PATE2: variants seen among roughly 807,000 people sequenced by gnomAD.
The protein encoded by PATE2 is prostate and testis expressed 2, also known as prostate and testis expressed protein 2.
In PATE2, 7 loss-of-function variants were observed where a neutral mutation model predicts 10.5. The observed-to-expected ratio is 0.66, with a 90% confidence interval of 0.38 to 1.25. The LOEUF (loss-of-function observed/expected upper bound fraction) is 1.25, where lower values mean the gene tolerates loss of function less well. Ranked by LOEUF, PATE2 falls within the 50% of genes most tolerant of loss-of-function variation. The pLI is 0.02. For synonymous variants in PATE2, 44 were observed against 46.9 expected (o/e 0.94, Z 0.25); for missense variants, 133 against 135.4 (o/e 0.98, Z 0.09).
At chr11:125,778,510 A>G (rs144271733) in intron 2 of PATE2, 42 bp downstream of exon 2, 3 of 1,599,724 alleles carry the variant, frequency 1.9e-6, no homozygotes, top group East Asian at 2.2e-5. Context: ...CATGTCACAA[A>G]TTGCCTGTTT....
At chr11:125,778,445 T>A in intron 2 of PATE2, 107 bp downstream of exon 2, 2 of 1,241,088 alleles carry the variant, frequency 1.6e-6, no homozygotes, top group Non-Finnish European at 2.3e-6. Flanking sequence ...TAGGATTCTA[T>A]AATAAGAATG....
rs1180227425 is a variant in PATE2, at chr11:125,778,739, A to G, written c.35T>C (p.Leu12Pro). 1.9e-6 allele frequency: 3 copies of G among 1,613,508 alleles called. No homozygotes were observed. Among genetic ancestry groups the G allele is most frequent in the Non-Finnish European group, 2.5e-6 (3 of 1,179,714 alleles). Residue 12 changes from leucine (L) to proline (P), a missense_variant, in exon 1 of 4, where the codon CTG becomes CCG. Transcript: ENST00000358524. ...GGACTTACCCCAATATGGGCAGAGC[A>G]GAAAGACTGTGCCCAGGAGAAAGAG... ...LVLFLLGTVFLLCPYWGELHD... is the reference protein window; with the variant it reads ...LVLFLLGTVFPLCPYWGELHD...
rs1943503110 is a variant in PATE2 at position 125,777,978 on chromosome 11, C to T, written c.101G>A (p.Cys34Tyr). ...GCATAACCCAAGATGATATTTTTTA[C>T]ATTCATAACACATTATTTCAGTCGC... Reference protein sequence around the residue: ...IKATEIMCYECKKYHLGLCYG... With the variant: ...IKATEIMCYEYKKYHLGLCYG... The change falls in exon 3 of 4, where the codon TGT becomes TAT. Residue 34 changes from cysteine (C) to tyrosine (Y), a missense_variant. Physicochemically the swap from Cys to Tyr is radical, Grantham distance 194. Coordinates refer to ENST00000358524, the MANE Select transcript of PATE2 (RefSeq NM_212555.3). 1 of 1,613,000 alleles carries T rather than the reference C, an allele frequency of 6.2e-7. No homozygotes were observed. The highest frequency in any genetic ancestry group is 1.3e-5 in the African/African-American group (1 of 74,832).
chr11:125,776,282 A>G lies in PATE2; in HGVS notation c.*1100T>C, dbSNP rs904803195. 1 of 152,294 alleles carries G rather than the reference A, an allele frequency of 6.6e-6. No individual in the cohort carries two copies. The highest frequency in any genetic ancestry group is 1.5e-5 in the Non-Finnish European group (1 of 68,048). 9.4% of individuals were successfully genotyped at this position (152,294 alleles called of 1,614,324 possible). On this transcript the variant is annotated 3_prime_UTR_variant, in exon 4 of 4. Coordinates refer to ENST00000358524, the MANE Select transcript of PATE2 (RefSeq NM_212555.3). ...TGTGCCATGGTGGTTTGCTGCACCC[A>G]TCAACCCGTCATCTAGGGTGCAGTC...
chr11:125,777,030 C>CATTA lies in PATE2; in HGVS notation c.*351_*352insTAAT. ...TGTGTAGATGAGGATAGAGGATAGT[C>CATTA]ACAGAATTCTCAGTACAAATTGGAG... On this transcript the variant is annotated 3_prime_UTR_variant, in exon 4 of 4. Coordinates refer to ENST00000358524, the MANE Select transcript of PATE2 (RefSeq NM_212555.3). 5.6e-6 allele frequency: 1 copy of CATTA among 178,164 alleles called. No homozygotes were observed. Among genetic ancestry groups the CATTA allele is most frequent in the Non-Finnish European group, 1.2e-5 (1 of 84,390 alleles). 11.0% of individuals were successfully genotyped at this position (178,164 alleles called of 1,614,324 possible). A position where few individuals can be genotyped will look rare whatever the true frequency, so the allele number is the denominator to read the frequency against.
chr11:125,777,816 C>A, intron 3 of PATE2, 58 bp downstream of exon 3: 1 of 1,590,760 alleles, frequency 6.3e-7, no homozygotes. Context: ...CAAAAGAACA[C>A]TACTGTTTCT....
Position 125,777,036 on chromosome 11 carries a change from ATTCTC to A in PATE2, c.*341_*345del. The stretch of plus-strand genomic sequence containing the variant: ...GATGAGGATAGAGGATAGTCACAGA[ATTCTC>A]AGTACAAATTGGAGATTATTATGGC... On this transcript the variant is annotated 3_prime_UTR_variant, in exon 4 of 4. Coordinates refer to ENST00000358524, the MANE Select transcript of PATE2 (RefSeq NM_212555.3). The A allele has an allele frequency of 4.9e-6, 1 of 205,490 alleles. No homozygotes were observed. Among genetic ancestry groups the A allele is most frequent in the Non-Finnish European group, 1.0e-5 (1 of 100,130 alleles). 12.7% of individuals were successfully genotyped at this position (205,490 alleles called of 1,614,324 possible). A position where few individuals can be genotyped will look rare whatever the true frequency, so the allele number is the denominator to read the frequency against.
rs903800635 is a variant in PATE2 at position 125,777,667 on chromosome 11, G to A, written c.206-149C>T. ...TGAGTCTGTTAATTGCTGACCCAGAGAGTAGATTTTATTCCCTGCCAGGTA... is the reference window on the plus strand; with the variant it reads ...TGAGTCTGTTAATTGCTGACCCAGAAAGTAGATTTTATTCCCTGCCAGGTA... On this transcript the variant is annotated intron_variant, in intron 3 of 3. Transcript: ENST00000358524. The A allele has an allele frequency of 3.5e-5, 42 of 1,191,102 alleles. No homozygotes were observed. In the East Asian group the frequency reaches 1.0e-3, roughly 29 times the overall value. 73.8% of individuals were successfully genotyped at this position (1,191,102 alleles called of 1,614,324 possible). A position where few individuals can be genotyped will look rare whatever the true frequency, so the allele number is the denominator to read the frequency against.
chr11:125,777,017 G>GTCGCCGT lies in PATE2; in HGVS notation c.*364_*365insACGGCGA. ...GGAGAGGAGTGTGTGTGTAGATGAG[G>GTCGCCGT]ATAGAGGATAGTCACAGAATTCTCA... On this transcript the variant is annotated 3_prime_UTR_variant, in exon 4 of 4. Coordinates refer to ENST00000358524, the MANE Select transcript of PATE2 (RefSeq NM_212555.3). The GTCGCCGT allele has an allele frequency of 1.0e-5, 2 of 198,100 alleles. No homozygotes were observed. Among genetic ancestry groups the GTCGCCGT allele is most frequent in the Non-Finnish European group, 1.0e-5 (1 of 95,322 alleles). 12.3% of individuals were successfully genotyped at this position (198,100 alleles called of 1,614,324 possible).
Position 125,777,310 on chromosome 11 carries a change from A to C in PATE2, c.*72T>G. ...ACCAATGCATAGAAGAGGAGAGCAAAATTCAGGTTCAGGGAAGAGAAAAAG... is the reference window on the plus strand; with the variant it reads ...ACCAATGCATAGAAGAGGAGAGCAACATTCAGGTTCAGGGAAGAGAAAAAG... On this transcript the variant is annotated 3_prime_UTR_variant, in exon 4 of 4. Coordinates refer to ENST00000358524, the MANE Select transcript of PATE2 (RefSeq NM_212555.3). 9.7e-6 allele frequency: 15 copies of C among 1,548,302 alleles called. No individual in the cohort carries two copies. The highest frequency in any genetic ancestry group is 1.2e-5 in the Non-Finnish European group (14 of 1,132,044).
In PATE2 at chr11:125,778,405, C is replaced by G. The variant is rs915769922; in HGVS notation, c.76+147G>C. The G allele has an allele frequency of 3.4e-6, 3 of 883,926 alleles. No homozygotes were observed. In the African/African-American group the frequency reaches 5.1e-5, roughly 15 times the overall value. 54.8% of individuals were successfully genotyped at this position (883,926 alleles called of 1,614,324 possible). ...TAGCCTCCTTACTCTAAGAAATGGA[C>G]AAAACAGGTCTGGCAGGAGGCGAAA... On this transcript the variant is annotated intron_variant, in intron 2 of 3. Coordinates refer to ENST00000358524, the MANE Select transcript of PATE2 (RefSeq NM_212555.3).
chr11:125,778,015 A>G lies in PATE2; in HGVS notation c.77-13T>C. ...ATTATTTCAGTCGCTGCCAGATACAAAAAGAGGTGCTTAGAGGATGCAGTC... is the reference window on the plus strand; with the variant it reads ...ATTATTTCAGTCGCTGCCAGATACAGAAAGAGGTGCTTAGAGGATGCAGTC... On this transcript the variant is annotated splice_polypyrimidine_tract_variant and intron_variant, in intron 2 of 3. Transcript: ENST00000358524. 1 of 1,611,668 alleles carries G rather than the reference A, an allele frequency of 6.2e-7. No homozygotes were observed. Among genetic ancestry groups the G allele is most frequent in the Non-Finnish European group, 8.5e-7 (1 of 1,179,086 alleles).
intron 3 of PATE2, 99 bp from the exon 4 acceptor site, chr11:125,777,617 T>C: frequency 6.8e-7 from 1 of 1,461,706 alleles, no homozygotes; most frequent in South Asian, 1.3e-5. Flanking sequence ...CTAACCTTTC[T>C]CTAGGCCCAA....
In PATE2 at chr11:125,776,569, A is replaced by G. The variant is rs1024960502; in HGVS notation, c.*813T>C. 1.3e-5 allele frequency: 2 copies of G among 152,080 alleles called. No homozygotes were observed. The highest frequency in any genetic ancestry group is 4.8e-5 in the African/African-American group (2 of 41,372). The allele number at this position is 152,080 out of a possible 1,614,324, so 9.4% of individuals were successfully genotyped here. Reference sequence around the variant, plus strand: ...ATCTATTTACATCCTATTATCTTCAACTACTACACCACCTGCCACATTATC... The same window carrying G: ...ATCTATTTACATCCTATTATCTTCAGCTACTACACCACCTGCCACATTATC... On this transcript the variant is annotated 3_prime_UTR_variant, in exon 4 of 4. Transcript: ENST00000358524.
At chr11:125,778,077 G>A (rs1943504213) in intron 2 of PATE2, 75 bp from the exon 3 acceptor site, 2 of 1,520,028 alleles carry the variant, frequency 1.3e-6, no homozygotes, top group African/African-American at 2.8e-5. Context: ...CTTCACTACA[G>A]GACCTTATTC....
rs759489565 is a variant in PATE2 at position 125,778,735 on chromosome 11, G to A, written c.39C>T (p.Leu13=). 6.2e-7 allele frequency: 1 copy of A among 1,613,584 alleles called. No homozygotes were observed. Among genetic ancestry groups the A allele is most frequent in the East Asian group, 2.2e-5 (1 of 44,858 alleles). The change falls in exon 1 of 4, where the codon CTC becomes CTT. Residue 13 remains leucine, a synonymous_variant. Transcript: ENST00000358524. ...TCCAGGACTTACCCCAATATGGGCA[G>A]AGCAGAAAGACTGTGCCCAGGAGAA... ...VLFLLGTVFL[L]CPYWGELHDP...
At chr11:125,778,421 G>A (rs1943507387) in intron 2 of PATE2, 131 bp downstream of exon 2, 1 of 991,266 alleles carries the variant, frequency 1.0e-6, no homozygotes, top group East Asian at 2.4e-5. Context: ...AGGTCTGGCA[G>A]GAGGCGAAAC....
In PATE2 at chr11:125,777,027, AGTC is replaced by A; in HGVS notation, c.*352_*354del. The A allele has an allele frequency of 1.7e-5, 3 of 174,876 alleles. No individual in the cohort carries two copies. Among genetic ancestry groups the A allele is most frequent in the South Asian group, 1.6e-4 (1 of 6,376 alleles). The allele number at this position is 174,876 out of a possible 1,614,324, so 10.8% of individuals were successfully genotyped here. A position where few individuals can be genotyped will look rare whatever the true frequency, so the allele number is the denominator to read the frequency against. On this transcript the variant is annotated 3_prime_UTR_variant, in exon 4 of 4. Coordinates refer to ENST00000358524, the MANE Select transcript of PATE2 (RefSeq NM_212555.3). ...GTGTGTGTAGATGAGGATAGAGGAT[AGTC>A]ACAGAATTCTCAGTACAAATTGGAG...
chr11:125,777,457 G>A lies in PATE2; in HGVS notation c.267C>T (p.Phe89=), dbSNP rs762244994. Residue 89 remains phenylalanine (F), a synonymous_variant, in exon 4 of 4, where the codon TTC becomes TTT. Coordinates refer to ENST00000358524, the MANE Select transcript of PATE2 (RefSeq NM_212555.3). ...GCTCTACCCTCTTCGTGAACCCCAG[G>A]AAGTTGATGTCCTCACAGCTGGTCA... The part of the protein sequence containing the change: ...SCMTSCEDIN[F]LGFTKRVELI... 6 of 1,613,576 alleles carry A rather than the reference G, an allele frequency of 3.7e-6. No homozygotes were observed. The East Asian group carries it at 1.3e-4, about 36-fold the overall frequency.
Sources: allele counts gnomAD v4.1 joint callset, GRCh38; gene constraint gnomAD v4.1.1; transcripts MANE v1.5; gene names NCBI Gene and HGNC (gene_info 2026-07-23, HGNC 2026-07-21).